HHLA1: variants seen among roughly 807,000 people sequenced by gnomAD.
The protein encoded by HHLA1 is HHLA1 neighbor of OC90.
Under a neutral mutation model 69.9 loss-of-function variants are expected in HHLA1, and 72 were observed. The ratio of observed to expected loss-of-function variants is 1.03; its 90% CI spans 0.85 to 1.25. The LOEUF is 1.25. HHLA1 is among the 50% of genes most tolerant of loss of function. The pLI is 0.00. For missense variants in HHLA1, 685 were observed against 642.2 expected (o/e 1.07, Z -0.72); for synonymous variants, 252 against 233.2 (o/e 1.08, Z -0.73).
chr8:132,065,903 CT>C lies in HHLA1; in HGVS notation c.1534del (p.Arg512GlyfsTer8), dbSNP rs1255577207. The C allele has an allele frequency of 3.1e-6, 4 of 1,301,716 alleles. No homozygotes were observed. Among genetic ancestry groups the C allele is most frequent in the Non-Finnish European group, 4.1e-6 (4 of 985,592 alleles). The allele number at this position is 1,301,716 out of a possible 1,614,324, so 80.6% of individuals were successfully genotyped here. A position where few individuals can be genotyped will look rare whatever the true frequency, so the allele number is the denominator to read the frequency against. On this transcript the variant is annotated frameshift_variant, in exon 16 of 17. Coordinates refer to ENST00000414222, the MANE Select transcript of HHLA1 (RefSeq NM_001145095.3). LOFTEE classifies it high-confidence loss of function. The part of the protein sequence containing the change: ...NATYICQRVK[R>X]VSHSHTLKQK... ...GTACTTACTGTGCGAGTGGGACACC[CT>C]TTTCACCCTCTGACAGATATATGTT...
intron 15 of HHLA1, among the ~76,000 whole-genome samples, chr8:132,068,303 G>A (rs1823473969): frequency 1.3e-5 from 2 of 152,198 alleles, no homozygotes; most frequent in South Asian, 2.1e-4. Context: ...CAGGATGAAT[G>A]AGAATCTTGC....
At chr8:132,066,808 A>C (rs1488070649) in intron 15 of HHLA1, among the ~76,000 whole-genome samples, 1 of 152,212 alleles carries the variant, frequency 6.6e-6, no homozygotes, top group African/African-American at 2.4e-5. Flanking sequence ...GAGGAAACTG[A>C]GGCACAGAGA....
intron 3 of HHLA1, among the ~76,000 whole-genome samples, chr8:132,102,051 G>A (rs1824119151): frequency 6.6e-6 from 1 of 152,134 alleles, no homozygotes; most frequent in African/African-American, 2.4e-5. Context: ...CTGCTTCTGT[G>A]AGTTTGACTA....
intron 16 of HHLA1, among the ~76,000 whole-genome samples, chr8:132,065,406 C>T (rs1486996107): frequency 6.6e-6 from 1 of 152,098 alleles, no homozygotes; most frequent in South Asian, 2.1e-4. Context: ...CTCAGCCTCC[C>T]GAGTAGCTGG....
rs138319654 is a variant in HHLA1, at chr8:132,072,803, A to T, written c.1316-1310T>A. 1.8e-4 allele frequency among the ~76,000 whole-genome samples: 27 copies of T among 152,334 alleles called. 1 individual carries two copies. In the East Asian group the frequency reaches 4.4e-3, roughly 25 times the overall value. On this transcript the variant is annotated intron_variant, in intron 14 of 16. Coordinates refer to ENST00000414222, the MANE Select transcript of HHLA1 (RefSeq NM_001145095.3). ...TAGCAAGGGGTAGATGTTAACCGAT[A>T]GCAATATAAATAATTCTTGTCTAAG...
intron 1 of HHLA1, among the ~76,000 whole-genome samples, chr8:132,105,623 G>C (rs2469497): frequency 0.3 from 45,639 of 152,078 alleles, 7,286 homozygotes; most frequent in Non-Finnish European, 0.36. Context: ...TGTGGCACTG[G>C]AAGGGAGAGA....
chr8:132,066,454 A>T (rs181473521), intron 15 of HHLA1, among the ~76,000 whole-genome samples: 1 of 152,348 alleles, frequency 6.6e-6, no homozygotes, highest in East Asian at 1.9e-4. Context: ...TTATCAATGC[A>T]GCAAACACTT....
intron 10 of HHLA1, among the ~76,000 whole-genome samples, chr8:132,084,877 G>A (rs1484044158): frequency 1.3e-5 from 2 of 152,022 alleles, no homozygotes; most frequent in Admixed American, 1.3e-4. Context: ...AAGCGATTGG[G>A]GGGTTCTTGC....
intron 6 of HHLA1, 28 bp downstream of exon 6, chr8:132,095,675 C>T: frequency 6.5e-7 from 1 of 1,541,170 alleles, no homozygotes; most frequent in South Asian, 1.2e-5. Context: ...ACCACCACCA[C>T]CATCAAGAAG....
intron 15 of HHLA1, among the ~76,000 whole-genome samples, chr8:132,067,461 C>T (rs1014640603): frequency 1.3e-5 from 2 of 152,092 alleles, no homozygotes; most frequent in Admixed American, 6.5e-5. Context: ...TGTGAGCTTA[C>T]GAACCTGTAC....
intron 16 of HHLA1, 22 bp from the exon 17 acceptor site, chr8:132,064,060 A>G (rs991851277): frequency 1.5e-6 from 2 of 1,294,620 alleles, no homozygotes; most frequent in Non-Finnish European, 2.0e-6. Flanking sequence ...GCAGAAGAAG[A>G]AGGAACTCAA....
chr8:132,100,037 C>G, intron 4 of HHLA1, 38 bp downstream of exon 4: 1 of 1,525,056 alleles, frequency 6.6e-7, no homozygotes, highest in Non-Finnish European at 8.9e-7. Context: ...TGCTCTGCAA[C>G]CCAGACAACC....
chr8:132,076,530 A>G lies in HHLA1; in HGVS notation c.1185T>C (p.His395=). ...QASPTLGAFT[H]GTQTPSPTKA... ...TGGTTGGACTCGGAGTCTGTGTGCC[A>G]TGGGTGAATGCTCCTGGGAGGAGAT... Residue 395 remains histidine, a synonymous_variant, in exon 13 of 17, where the codon CAT becomes CAC. Coordinates refer to ENST00000414222, the MANE Select transcript of HHLA1 (RefSeq NM_001145095.3). The G allele has an allele frequency of 1.3e-6, 2 of 1,521,950 alleles. No individual in the cohort carries two copies. Among genetic ancestry groups the G allele is most frequent in the Non-Finnish European group, 1.8e-6 (2 of 1,133,204 alleles). The allele number at this position is 1,521,950 out of a possible 1,614,324, so 94.3% of individuals were successfully genotyped here. A position where few individuals can be genotyped will look rare whatever the true frequency, so the allele number is the denominator to read the frequency against.
intron 12 of HHLA1, among the ~76,000 whole-genome samples, chr8:132,077,508 G>A (rs1162619998): frequency 6.6e-6 from 1 of 152,036 alleles, no homozygotes; most frequent in Non-Finnish European, 1.5e-5. Context: ...AAAAGAGAGA[G>A]GAACTGGGGA....
rs1824012819 is a variant in HHLA1, at chr8:132,095,692, C to T, written c.364+11G>A. 1.9e-6 allele frequency: 3 copies of T among 1,549,508 alleles called. No individual in the cohort carries two copies. Among genetic ancestry groups the T allele is most frequent in the Non-Finnish European group, 2.6e-6 (3 of 1,145,504 alleles). On this transcript the variant is annotated intron_variant, in intron 6 of 16. Coordinates refer to ENST00000414222, the MANE Select transcript of HHLA1 (RefSeq NM_001145095.3). ...CACCACCACCATCAAGAAGAGCCAG[C>T]CAGCACTCACTGTTGTAAACAGCTA...
intron 2 of HHLA1, among the ~76,000 whole-genome samples, chr8:132,104,746 A>C (rs1824175191): frequency 6.6e-6 from 1 of 152,136 alleles, no homozygotes; most frequent in Non-Finnish European, 1.5e-5. Flanking sequence ...GCAGAGCCTG[A>C]AAAGGACCTG....
In HHLA1 at chr8:132,104,491, C is replaced by T. The variant is rs147444355; in HGVS notation, c.80-324G>A. ...GTGTAACAGGGGGCTGATCTAGTCT[C>T]GGGAATCTGGAAGCCTTCCCTGAGA... is the stretch of plus-strand genomic sequence containing the variant. On this transcript the variant is annotated intron_variant, in intron 2 of 16. Coordinates refer to ENST00000414222, the MANE Select transcript of HHLA1 (RefSeq NM_001145095.3). Among the ~76,000 whole-genome samples the T allele has an allele frequency of 5.9e-5, 9 of 152,164 alleles. No homozygotes were observed. The East Asian group carries it at 1.3e-3, about 23-fold the overall frequency.
intron 7 of HHLA1, among the ~76,000 whole-genome samples, chr8:132,093,679 A>C (rs952848765): frequency 6.6e-6 from 1 of 152,168 alleles, no homozygotes; most frequent in African/African-American, 2.4e-5. Context: ...TGAAAATATG[A>C]TTTGACTCAT....
chr8:132,078,991 C>T (rs937799015), intron 11 of HHLA1, among the ~76,000 whole-genome samples: 10 of 152,208 alleles, frequency 6.6e-5, no homozygotes, highest in Admixed American at 2.0e-4. Context: ...CATATGTATA[C>T]ATGTGCCATG....
Sources: allele counts gnomAD v4.1 joint callset (sites outside exome capture counted in the v4.1 genomes callset), GRCh38; gene constraint gnomAD v4.1.1; transcripts MANE v1.5; gene names NCBI Gene and HGNC (gene_info 2026-07-23, HGNC 2026-07-21).